Variants in RBM17 observed in about 807,000 individuals in gnomAD.
RBM17 encodes the protein splicing factor 45.
Under a neutral mutation model 53.2 loss-of-function variants are expected in RBM17, and 7 were observed. The observed-to-expected ratio is 0.13, with a 90% CI of 0.07 to 0.25. The LOEUF is 0.25. RBM17 is among the 10% of genes least tolerant of loss of function. The pLI is 1.00. For missense variants in RBM17, 257 were observed against 496.7 expected (o/e 0.52, Z 4.59); for synonymous variants, 167 against 178.1 (o/e 0.94, Z 0.50).
chr10:6,098,556 G>GGTTTTTGTTTTTTTTTTTTTTTTTTTT (rs1840613398), intron 2 of RBM17, among the ~76,000 whole-genome samples: 4 of 87,972 alleles, frequency 4.5e-5, no homozygotes, highest in Admixed American at 2.7e-4. Flanking sequence ...TAATACACAG[G>GGTTTTTGTTTTTTTTTTTTTTTTTTTT]TTTTTTGTTT....
At chr10:6,113,934 A>C (rs892993892) in intron 9 of RBM17, 115 bp from the exon 10 acceptor site, 2 of 687,066 alleles carry the variant, frequency 2.9e-6, no homozygotes, top group Non-Finnish European at 4.9e-6. Flanking sequence ...GAAATTTTTC[A>C]TTATGTCGTT....
At chr10:6,098,767 C>T (rs1486153626) in intron 2 of RBM17, among the ~76,000 whole-genome samples, 1 of 151,946 alleles carries the variant, frequency 6.6e-6, no homozygotes, top group East Asian at 1.9e-4. Flanking sequence ...CCAGGATGGT[C>T]TCGATTTCCT....
At chr10:6,106,052 A>G in intron 4 of RBM17, 89 bp from the exon 5 acceptor site, 3 of 843,274 alleles carry the variant, frequency 3.6e-6, no homozygotes, top group Admixed American at 2.0e-5. Context: ...CAGGATTTGG[A>G]TATCTTCTGG....
Position 6,089,801 on chromosome 10 carries a change from T to C in RBM17, c.-19+608T>C, listed in dbSNP as rs1444389533. The C allele has an allele frequency of 6.6e-6, 1 of 152,074 alleles. No individual in the cohort carries two copies. The highest frequency in any genetic ancestry group is 1.5e-5 in the Non-Finnish European group (1 of 67,970). 9.4% of individuals were successfully genotyped at this position (152,074 alleles called of 1,614,324 possible). ...AGCTTCGCCTCTTGCCCCGAGAATGTGTAATGATCGGAGAATGCAGGTGGA... is the reference window on the plus strand; with the variant it reads ...AGCTTCGCCTCTTGCCCCGAGAATGCGTAATGATCGGAGAATGCAGGTGGA... On this transcript the variant is annotated intron_variant, in intron 1 of 11. Transcript: ENST00000379888. The surrounding 1 kb of genome is among the most constrained non-coding windows in gnomAD (Gnocchi z 5.6).
At chr10:6,105,173 C>T in intron 4 of RBM17, 76 bp downstream of exon 4, 1 of 1,377,730 alleles carries the variant, frequency 7.3e-7, no homozygotes, top group East Asian at 2.4e-5. Flanking sequence ...AGCGTCGCTG[C>T]TGTCTGTAAG....
chr10:6,099,294 G>C (rs149265021), intron 2 of RBM17, among the ~76,000 whole-genome samples: 2,129 of 151,510 alleles, frequency 0.014, 57 homozygotes, highest in African/African-American at 0.049. Flanking sequence ...TTTTTTTAAG[G>C]GAAGTGAAGA....
chr10:6,107,479 C>CTTTTTTTTTTTTTTTTTTTTT (rs71390124), intron 5 of RBM17, among the ~76,000 whole-genome samples: 1 of 56,598 alleles, frequency 1.8e-5, no homozygotes, highest in African/African-American at 6.6e-5. Flanking sequence ...CACCCGGCCT[C>CTTTTTTTTTTTTTTTTTTTTT]TTTTTTTTTT....
chr10:6,096,909 T>C (rs898886477), intron 1 of RBM17, 139 bp from the exon 2 acceptor site: 4 of 629,054 alleles, frequency 6.4e-6, no homozygotes, highest in Non-Finnish European at 1.1e-5. Context: ...AGCCCTACAT[T>C]AATGGTACCA....
chr10:6,113,869 C>T (rs1183981449), intron 9 of RBM17, 180 bp from the exon 10 acceptor site: 10 of 594,774 alleles, frequency 1.7e-5, no homozygotes, highest in African/African-American at 1.3e-4. Flanking sequence ...TCTTTACAGG[C>T]TTAATATATG....
chr10:6,094,701 A>G (rs940931993), intron 1 of RBM17, among the ~76,000 whole-genome samples: 33 of 152,154 alleles, frequency 2.2e-4, no homozygotes, highest in Non-Finnish European at 2.4e-4. Context: ...TCTTAGATTA[A>G]AATTTAAGGG....
Position 6,114,016 on chromosome 10 carries a change from G to C in RBM17, c.931-33G>C, listed in dbSNP as rs185415826. On this transcript the variant is annotated intron_variant, in intron 9 of 11. Transcript: ENST00000379888. ...TGCTAGGTGTTTGTAAGTTATACTT[G>C]GTACTTGAATTTGTTTATTTTTGTG... 237 of 1,383,960 alleles carry C rather than the reference G, an allele frequency of 1.7e-4. No individual in the cohort carries two copies. In the African/African-American group the frequency reaches 3.0e-3, roughly 18 times the overall value. 85.7% of individuals were successfully genotyped at this position (1,383,960 alleles called of 1,614,324 possible).
chr10:6,094,469 T>A (rs1303587952), intron 1 of RBM17, among the ~76,000 whole-genome samples: 1 of 152,228 alleles, frequency 6.6e-6, no homozygotes, highest in South Asian at 2.1e-4. Context: ...TTTCTCAGAA[T>A]CTGTTAGTAT....
At chr10:6,110,917 G>A (rs1029914303) in intron 7 of RBM17, among the ~76,000 whole-genome samples, 6 of 151,984 alleles carry the variant, frequency 3.9e-5, no homozygotes, top group Non-Finnish European at 7.4e-5. Context: ...AGGAAGCTTT[G>A]TGTACTGGAG....
chr10:6,104,458 A>G (rs1356394454), intron 3 of RBM17, among the ~76,000 whole-genome samples: 2 of 152,250 alleles, frequency 1.3e-5, no homozygotes, highest in African/African-American at 4.8e-5. Flanking sequence ...GATGCTTTCT[A>G]AGATCTCCAT....
At chr10:6,097,845 T>TG (rs1840598837) in intron 2 of RBM17, among the ~76,000 whole-genome samples, 1 of 152,050 alleles carries the variant, frequency 6.6e-6, no homozygotes, top group Admixed American at 6.6e-5. Flanking sequence ...GCCCCAGGAG[T>TG]GGGAATTTTT....
intron 2 of RBM17, among the ~76,000 whole-genome samples, chr10:6,098,942 G>C (rs1388426632): frequency 6.6e-6 from 1 of 151,950 alleles, no homozygotes; most frequent in African/African-American, 2.4e-5. Context: ...ACATTTGATT[G>C]TTCAGTATTG....
chr10:6,094,723 A>G (rs1169959604), intron 1 of RBM17, among the ~76,000 whole-genome samples: 1 of 152,198 alleles, frequency 6.6e-6, no homozygotes, highest in East Asian at 1.9e-4. Context: ...ATGTATCTAG[A>G]TGTGAACAAT....
chr10:6,107,124 T>A (rs1225022457), intron 5 of RBM17, among the ~76,000 whole-genome samples: 1 of 152,244 alleles, frequency 6.6e-6, no homozygotes, highest in Non-Finnish European at 1.5e-5. Flanking sequence ...GTCCTGTTAA[T>A]CAAAATGCAT....
chr10:6,098,494 T>C (rs1303519993), intron 2 of RBM17, among the ~76,000 whole-genome samples: 1 of 151,084 alleles, frequency 6.6e-6, no homozygotes, highest in African/African-American at 2.4e-5. Flanking sequence ...ATGTGGATAG[T>C]AGAGACTTAA....
Sources: gnomAD v4.1 joint callset for allele counts (sites outside exome capture counted in the v4.1 genomes callset) on GRCh38, gnomAD v4.1.1 for gene constraint, Gnocchi (gnomAD v3.1) non-coding constraint, MANE v1.5 for transcripts, NCBI Gene and HGNC (gene_info 2026-07-23, HGNC 2026-07-21) for gene names.